Variants in IL23R observed in about 807,000 individuals in gnomAD.
IL23R encodes interleukin-23 receptor.
Under a neutral mutation model 56.9 loss-of-function variants are expected in IL23R, and 34 were observed. The observed-to-expected ratio is 0.60, with a 90% confidence interval of 0.45 to 0.80. IL23R has a LOEUF of 0.80. Among genes scored for constraint, IL23R ranks in the 30% least tolerant of loss-of-function variants. The pLI is 0.00. For missense variants in IL23R, 635 were observed against 730.0 expected (o/e 0.87, Z 1.50); for synonymous variants, 230 against 249.2 (o/e 0.92, Z 0.73).
chr1:67,225,911 C>T (rs1650586742), intron 7 of IL23R, among the ~76,000 whole-genome samples: 2 of 152,214 alleles, frequency 1.3e-5, no homozygotes, highest in South Asian at 2.1e-4. Flanking sequence ...GTCAGACACA[C>T]TCTTTAAGAG....
At chr1:67,158,821 T>C (rs1320045015) in intron 1 of IL23R, among the ~76,000 whole-genome samples, 1 of 151,720 alleles carries the variant, frequency 6.6e-6, no homozygotes, top group Non-Finnish European at 1.5e-5. Context: ...GATTGGATCA[T>C]GGGGGCAGAT....
intron 5 of IL23R, among the ~76,000 whole-genome samples, chr1:67,201,678 T>A (rs1648652869): frequency 6.6e-6 from 1 of 152,126 alleles, no homozygotes; most frequent in Non-Finnish European, 1.5e-5. Flanking sequence ...AAGGTTTTTT[T>A]GTTTGTTTGT....
chr1:67,147,013 G>C (rs1474708954), intron 1 of IL23R, among the ~76,000 whole-genome samples: 2 of 152,142 alleles, frequency 1.3e-5, no homozygotes, highest in African/African-American at 4.8e-5. Context: ...GTTCTAACGG[G>C]TGAGTACAGG....
chr1:67,235,014 A>C (rs886551072), intron 7 of IL23R, among the ~76,000 whole-genome samples: 1 of 152,132 alleles, frequency 6.6e-6, no homozygotes, highest in Non-Finnish European at 1.5e-5. Flanking sequence ...TATTCTTAAA[A>C]TTTCAAAATA....
downstream of IL23R, among the ~76,000 whole-genome samples, chr1:67,261,290 C>T (rs1019815934): frequency 6.6e-6 from 1 of 150,670 alleles, no homozygotes; most frequent in African/African-American, 2.4e-5. Flanking sequence ...TAATGTCCAG[C>T]ATGTAAGTAA....
intron 7 of IL23R, among the ~76,000 whole-genome samples, chr1:67,221,698 G>T (rs1317069188): frequency 1.3e-5 from 2 of 152,154 alleles, no homozygotes; most frequent in Non-Finnish European, 2.9e-5. Context: ...AGAACTGAAG[G>T]ACTTTATTAT....
intron 1 of IL23R, among the ~76,000 whole-genome samples, chr1:67,160,465 C>A (rs1646808532): frequency 1.3e-5 from 2 of 152,288 alleles, no homozygotes; most frequent in South Asian, 4.2e-4. Flanking sequence ...ATAGATGGCA[C>A]CCTAAATCTT....
chr1:67,198,902 C>A (rs1243816014), intron 4 of IL23R, among the ~76,000 whole-genome samples: 1 of 152,042 alleles, frequency 6.6e-6, no homozygotes, highest in South Asian at 2.1e-4. Flanking sequence ...CCAAGATGGC[C>A]CCACTGCACG....
At chr1:67,182,273 G>A (rs1325889263) in intron 3 of IL23R, among the ~76,000 whole-genome samples, 1 of 152,232 alleles carries the variant, frequency 6.6e-6, no homozygotes, top group South Asian at 2.1e-4. Flanking sequence ...TTGAGCTGCA[G>A]TGGGCTCCAC....
intron 7 of IL23R, among the ~76,000 whole-genome samples, chr1:67,226,904 T>C (rs1385685424): frequency 3.3e-5 from 5 of 152,182 alleles, no homozygotes. Flanking sequence ...CCAGCCCACC[T>C]GGGCATTACA....
rs1437244933 is a variant in IL23R, at chr1:67,228,003, TTTC to T, written c.955+8276_955+8278del. Among the ~76,000 whole-genome samples, 15 of 109,294 alleles carry T rather than the reference TTTC, an allele frequency of 1.4e-4. 2 individuals carry two copies. The highest frequency in any genetic ancestry group is 4.0e-4 in the African/African-American group (10 of 25,274). The allele number at this position is 109,294 out of a possible 152,430, so 71.7% of individuals were successfully genotyped here. A position where few individuals can be genotyped will look rare whatever the true frequency, so the allele number is the denominator to read the frequency against. On this transcript the variant is annotated intron_variant, in intron 7 of 10. Coordinates refer to ENST00000347310, the MANE Select transcript of IL23R (RefSeq NM_144701.3). ...CTTTCTTTCTTTCTTTCTTTCTTTC[TTTC>T]TTTCTTTCTTTCTTCCTTTCTTTCT...
At chr1:67,233,014 A>G (rs1651199212) in intron 7 of IL23R, among the ~76,000 whole-genome samples, 1 of 151,854 alleles carries the variant, frequency 6.6e-6, no homozygotes, top group Admixed American at 6.6e-5. Context: ...CTCCCCAGAC[A>G]TGTGGAACTG....
At chr1:67,196,137 A>G (rs1455027299) in intron 4 of IL23R, 1 of 152,376 alleles carries the variant, frequency 6.6e-6, no homozygotes, top group Non-Finnish European at 1.5e-5. Flanking sequence ...AAATCAGGTT[A>G]GAGTCTGCCT....
rs377017482 is a variant in IL23R at position 67,181,706 on chromosome 1, G to A, written c.368-1130G>A. Among the ~76,000 whole-genome samples the A allele has an allele frequency of 2.0e-3, 299 of 152,242 alleles. 8 individuals carry two copies. In the South Asian group the frequency reaches 0.056, roughly 28 times the overall value. On this transcript the variant is annotated intron_variant, in intron 3 of 10. Coordinates refer to ENST00000347310, the MANE Select transcript of IL23R (RefSeq NM_144701.3). ...TGCATTCCTTTGGAGGAGGAGAGGC[G>A]CTCTGATTTTTAGAATTTTCAGTTT...
chr1:67,168,019 G>T, intron 1 of IL23R, 73 bp from the exon 2 acceptor site: 1 of 844,110 alleles, frequency 1.2e-6, no homozygotes, highest in Non-Finnish European at 2.0e-6. Context: ...ATAATTCTTA[G>T]GGAAAAATGT....
chr1:67,213,510 G>T (rs1040870929), intron 6 of IL23R, among the ~76,000 whole-genome samples: 1 of 152,166 alleles, frequency 6.6e-6, no homozygotes, highest in Non-Finnish European at 1.5e-5. Flanking sequence ...TATGTGCCAC[G>T]CAGCAGTCCA....
At chr1:67,161,730 C>T (rs1362941328), upstream of IL23R, among the ~76,000 whole-genome samples, 3 of 152,010 alleles carry the variant, frequency 2.0e-5, no homozygotes, top group African/African-American at 7.2e-5. Flanking sequence ...CTGGTTCAAG[C>T]GATTCGTTTG....
chr1:67,197,918 AGAGT>A (rs1648286229), intron 4 of IL23R, among the ~76,000 whole-genome samples: 1 of 150,780 alleles, frequency 6.6e-6, no homozygotes, highest in South Asian at 2.1e-4. Context: ...CCTGGGTGAC[AGAGT>A]GAGACCCTGT....
intron 3 of IL23R, among the ~76,000 whole-genome samples, chr1:67,172,590 A>C (rs929438887): frequency 6.6e-5 from 10 of 152,212 alleles, no homozygotes; most frequent in Non-Finnish European, 1.3e-4. Flanking sequence ...ATTCATTTAA[A>C]AATACCAAAT....
Sources: allele counts gnomAD v4.1 joint callset (sites outside exome capture counted in the v4.1 genomes callset), GRCh38; gene constraint gnomAD v4.1.1; transcripts MANE v1.5; gene names NCBI Gene and HGNC (gene_info 2026-07-23, HGNC 2026-07-21).